Variants in SDK1 observed in about 807,000 individuals in gnomAD.
SDK1 encodes protein sidekick-1.
SDK1 carries 157 observed loss-of-function variants against 245.5 expected under a neutral mutation model. That is an observed-to-expected ratio of 0.64 (90% CI 0.56 to 0.73). The LOEUF (loss-of-function observed/expected upper bound fraction) is 0.73, where lower values mean the gene tolerates loss of function less well. SDK1 is among the 30% of genes least tolerant of loss of function. The pLI is 0.00. For synonymous variants in SDK1, 1,647 were observed against 1,278.5 expected, an observed-to-expected ratio of 1.29 and a Z score of -6.15; for missense variants, 3,583 against 3,002.3, an observed-to-expected ratio of 1.19 and a Z score of -4.52.
rs561989188 is a variant in SDK1 at position 3,331,822 on chromosome 7, A to G, written c.298+29938A>G. Among the ~76,000 whole-genome samples, 9 of 152,280 alleles carry G rather than the reference A, an allele frequency of 5.9e-5. No homozygotes were observed. In the East Asian group the frequency reaches 1.7e-3, roughly 29 times the overall value. ...AGCTTATTTTAAGGCAGTCCCAATT[A>G]GTTGACTTTCAGATGTGTTATTTGG... On this transcript the variant is annotated intron_variant, in intron 1 of 44. Transcript: ENST00000404826.
chr7:3,899,393 T>G (rs1212084022), intron 5 of SDK1, among the ~76,000 whole-genome samples: 1 of 152,246 alleles, frequency 6.6e-6, no homozygotes, highest in Non-Finnish European at 1.5e-5. Context: ...AAAGGCCCAT[T>G]TAAATCCTAT....
intron 41 of SDK1, among the ~76,000 whole-genome samples, chr7:4,236,541 A>G (rs2128236808): frequency 6.6e-6 from 1 of 152,258 alleles, no homozygotes; most frequent in African/African-American, 2.4e-5. Flanking sequence ...CAACAGGTAG[A>G]GAAGCAAATA....
chr7:3,723,695 C>A (rs995174700), intron 4 of SDK1, among the ~76,000 whole-genome samples: 2 of 147,100 alleles, frequency 1.4e-5, no homozygotes, highest in African/African-American at 5.2e-5. Context: ...TGTATATACA[C>A]GTACATATAC....
intron 21 of SDK1, among the ~76,000 whole-genome samples, chr7:4,077,517 T>C (rs1780770577): frequency 6.6e-6 from 1 of 152,152 alleles, no homozygotes; most frequent in Non-Finnish European, 1.5e-5. Context: ...TAGCGATGAT[T>C]GTATTAGTCC....
chr7:3,978,816 T>C (rs994742147), intron 13 of SDK1, among the ~76,000 whole-genome samples: 15 of 152,204 alleles, frequency 9.9e-5, no homozygotes, highest in Non-Finnish European at 1.6e-4. Flanking sequence ...GACTAAACAA[T>C]GTCCTTCAGA....
intron 22 of SDK1, among the ~76,000 whole-genome samples, chr7:4,082,969 C>T (rs1010798338): frequency 6.6e-6 from 1 of 151,992 alleles, no homozygotes; most frequent in Admixed American, 6.6e-5. Flanking sequence ...CTCAGATTCC[C>T]CCAAATTTTC....
In SDK1 at chr7:3,709,664, G is replaced by A. The variant is rs562614268; in HGVS notation, c.713+67559G>A. On this transcript the variant is annotated intron_variant, in intron 4 of 44. Transcript: ENST00000404826. ...TATTTTTTCTTTCCAAGGGGGAGAC[G>A]CATGCTAACACTGCCTCCAATCCAC... Among the ~76,000 whole-genome samples, 4 of 152,258 alleles carry A rather than the reference G, an allele frequency of 2.6e-5. No homozygotes were observed. The East Asian group carries it at 5.8e-4, about 22-fold the overall frequency.
intron 1 of SDK1, among the ~76,000 whole-genome samples, chr7:3,400,132 A>C (rs1778848596): frequency 6.6e-6 from 1 of 151,818 alleles, no homozygotes; most frequent in African/African-American, 2.4e-5. Context: ...TGGTGGCTAC[A>C]GGACTACACA....
intron 35 of SDK1, among the ~76,000 whole-genome samples, chr7:4,200,253 A>C (rs1239801458): frequency 6.6e-6 from 1 of 152,214 alleles, no homozygotes; most frequent in Non-Finnish European, 1.5e-5. Context: ...CATTCATGGC[A>C]AGGGCTGCAC....
chr7:3,738,307 T>G (rs1212454514), intron 4 of SDK1, among the ~76,000 whole-genome samples: 1 of 152,248 alleles, frequency 6.6e-6, no homozygotes, highest in Non-Finnish European at 1.5e-5. Context: ...GAGACTGTCC[T>G]TTATCCATTG....
chr7:4,094,714 G>A (rs939799492), intron 22 of SDK1, among the ~76,000 whole-genome samples: 6 of 152,158 alleles, frequency 3.9e-5, no homozygotes, highest in Non-Finnish European at 8.8e-5. Context: ...CATTGACATC[G>A]GGATTGCAGC....
intron 2 of SDK1, among the ~76,000 whole-genome samples, chr7:3,636,969 T>C (rs963838130): frequency 6.6e-6 from 1 of 152,210 alleles, no homozygotes; most frequent in Non-Finnish European, 1.5e-5. Flanking sequence ...CTGTTGACCA[T>C]TTCTGTGGCT....
intron 1 of SDK1, among the ~76,000 whole-genome samples, chr7:3,400,508 A>G (rs1403949628): frequency 6.6e-6 from 1 of 152,166 alleles, no homozygotes; most frequent in Non-Finnish European, 1.5e-5. Flanking sequence ...TCAACTTAGA[A>G]ACAATGAAAA....
intron 1 of SDK1, among the ~76,000 whole-genome samples, chr7:3,308,573 G>A (rs1220918191): frequency 6.6e-6 from 1 of 152,062 alleles, no homozygotes; most frequent in African/African-American, 2.4e-5. Context: ...ATCTATTTCT[G>A]ATTTTTGGAG....
chr7:3,446,166 C>G (rs948965981), intron 1 of SDK1, among the ~76,000 whole-genome samples: 2 of 152,088 alleles, frequency 1.3e-5, no homozygotes, highest in African/African-American at 4.8e-5. Context: ...TTTCTCAAGA[C>G]ATGCTAATAA....
chr7:4,238,148 C>T lies in SDK1; in HGVS notation c.6130+364C>T, dbSNP rs544872650. Among the ~76,000 whole-genome samples the T allele has an allele frequency of 3.9e-5, 6 of 152,058 alleles. No homozygotes were observed. The South Asian group carries it at 1.0e-3, about 26-fold the overall frequency. The stretch of plus-strand genomic sequence containing the variant: ...AGGTTGGAGTGCACTGGCACAATCT[C>T]GGCTCACAGCAACCTCTGTCTCCTG... On this transcript the variant is annotated intron_variant, in intron 42 of 44. Transcript: ENST00000404826.
At chr7:3,557,129 T>C (rs2128624992) in intron 1 of SDK1, among the ~76,000 whole-genome samples, 1 of 151,190 alleles carries the variant, frequency 6.6e-6, no homozygotes, top group East Asian at 2.0e-4. Context: ...AAACTGAAAA[T>C]AGGGAAACAG....
intron 4 of SDK1, among the ~76,000 whole-genome samples, chr7:3,667,566 T>C (rs1262629502): frequency 6.6e-6 from 1 of 152,204 alleles, no homozygotes; most frequent in Non-Finnish European, 1.5e-5. Context: ...AATAGTTCTA[T>C]CACCGCCCAA....
chr7:4,243,665 C>A (rs1034090156), intron 43 of SDK1, among the ~76,000 whole-genome samples: 3 of 152,210 alleles, frequency 2.0e-5, no homozygotes, highest in African/African-American at 7.2e-5. Context: ...ACGGGAAAGA[C>A]CTGCCCCCAT....
Sources: gnomAD v4.1 joint callset for allele counts (sites outside exome capture counted in the v4.1 genomes callset) on GRCh38, gnomAD v4.1.1 for gene constraint, MANE v1.5 for transcripts, NCBI Gene and HGNC (gene_info 2026-07-23, HGNC 2026-07-21) for gene names.